CNTN1: variants seen among roughly 807,000 people sequenced by gnomAD.
The protein encoded by CNTN1 is contactin-1.
A neutral mutation model predicts 126.4 loss-of-function variants in CNTN1; 38 were observed. The ratio of observed to expected loss-of-function variants is 0.30; its 90% CI spans 0.23 to 0.39. The LOEUF is 0.39. CNTN1 is among the 10% of genes least tolerant of loss of function. The pLI, the probability that CNTN1 is intolerant of heterozygous loss-of-function variation, is 1.00. For missense variants in CNTN1, 1,009 were observed against 1,248.4 expected (o/e 0.81, Z 2.89); for synonymous variants, 413 against 422.6 (o/e 0.98, Z 0.28).
chr12:40,720,297 T>C (rs572132529), intron 1 of CNTN1, among the ~76,000 whole-genome samples: 1 of 152,280 alleles, frequency 6.6e-6, no homozygotes, highest in Non-Finnish European at 1.5e-5. Context: ...TAATTTGGTC[T>C]CTTCGGTTCT....
intron 14 of CNTN1, among the ~76,000 whole-genome samples, chr12:40,950,125 T>C (rs2136975585): frequency 6.6e-6 from 1 of 151,292 alleles, no homozygotes; most frequent in Non-Finnish European, 1.5e-5. Flanking sequence ...TGTGTGTGTG[T>C]GTGTGTGTGT....
In CNTN1 at chr12:40,900,402, G is replaced by A. The variant is rs1181146387; in HGVS notation, c.-76-7955G>A. Among the ~76,000 whole-genome samples the A allele has an allele frequency of 2.6e-5, 4 of 152,100 alleles. No individual in the cohort carries two copies. The East Asian group carries it at 7.7e-4, about 29-fold the overall frequency. On this transcript the variant is annotated intron_variant, in intron 1 of 23. Coordinates refer to ENST00000551295, the MANE Select transcript of CNTN1 (RefSeq NM_001843.4). ...TCATTTTTAGGTGGTAGCAAAAATA[G>A]GAAGGCCCACATAGATTTTTGTCCT...
intron 1 of CNTN1, among the ~76,000 whole-genome samples, chr12:40,827,629 T>A: frequency 6.6e-6 from 1 of 152,214 alleles, no homozygotes; most frequent in East Asian, 1.9e-4. Context: ...CTGTAGCATT[T>A]CTGCCAAAGA....
At chr12:40,850,897 T>C (rs1386824912) in intron 1 of CNTN1, among the ~76,000 whole-genome samples, 3 of 152,220 alleles carry the variant, frequency 2.0e-5, no homozygotes, top group Non-Finnish European at 4.4e-5. Flanking sequence ...AATACCATTT[T>C]CTTGGCATAA....
intron 23 of CNTN1, among the ~76,000 whole-genome samples, chr12:41,048,021 T>C (rs1949584256): frequency 1.3e-5 from 2 of 152,134 alleles, no homozygotes; most frequent in East Asian, 1.9e-4. Context: ...CCCACAGCCA[T>C]ATAATATAAT....
chr12:40,801,018 T>TG (rs972291489), intron 1 of CNTN1, among the ~76,000 whole-genome samples: 37 of 149,986 alleles, frequency 2.5e-4, no homozygotes, highest in African/African-American at 8.5e-4. Context: ...GAGTTTTGTT[T>TG]TTTTTTTTTT....
At chr12:40,958,342 T>C (rs927423341) in intron 14 of CNTN1, among the ~76,000 whole-genome samples, 2 of 122,334 alleles carry the variant, frequency 1.6e-5, no homozygotes, top group Non-Finnish European at 3.3e-5. Flanking sequence ...TATATGTGTG[T>C]GTGTATATAT....
Position 41,029,232 on chromosome 12 carries a change from T to A in CNTN1, c.2980+13T>A. ...GTCAAAATTTCAGGTAAGTGAGTCA[T>A]TTAAGACACATTTCAACTAAGTACT... On this transcript the variant is annotated intron_variant, in intron 23 of 23. Coordinates refer to ENST00000551295, the MANE Select transcript of CNTN1 (RefSeq NM_001843.4). 6.2e-7 allele frequency: 1 copy of A among 1,613,862 alleles called. No individual in the cohort carries two copies. The highest frequency in any genetic ancestry group is 8.5e-7 in the Non-Finnish European group (1 of 1,179,854).
chr12:40,772,879 C>T (rs1208462649), intron 1 of CNTN1, among the ~76,000 whole-genome samples: 1 of 151,890 alleles, frequency 6.6e-6, no homozygotes, highest in Middle Eastern at 3.2e-3. Context: ...AAAATTGCCA[C>T]TTCACATGCT....
In CNTN1 at chr12:41,009,279, C is replaced by A. The variant is rs75169235; in HGVS notation, c.2114-4949C>A. ...ATAGTAGGGCTTGATATTTAAGGAG[C>A]CTGCTGTCTGTTAACCAAAGGCTTT... On this transcript the variant is annotated intron_variant, in intron 17 of 23. Coordinates refer to ENST00000551295, the MANE Select transcript of CNTN1 (RefSeq NM_001843.4). Among the ~76,000 whole-genome samples the A allele has an allele frequency of 2.2e-3, 332 of 152,260 alleles. 1 individual carries two copies. The highest frequency in any genetic ancestry group is 7.5e-3 in the African/African-American group (313 of 41,558).
rs186225481 is a variant in CNTN1 at position 40,800,044 on chromosome 12, G to C, written c.-77+107452G>C. On this transcript the variant is annotated intron_variant, in intron 1 of 23. Coordinates refer to ENST00000551295, the MANE Select transcript of CNTN1 (RefSeq NM_001843.4). Reference sequence around the variant, plus strand: ...TACAACTAATTGGGAAGGTGATATAGTTTGGTTCTGTGTCCCTACCTAAAT... The same window carrying C: ...TACAACTAATTGGGAAGGTGATATACTTTGGTTCTGTGTCCCTACCTAAAT... Among the ~76,000 whole-genome samples, 303 of 152,106 alleles carry C rather than the reference G, an allele frequency of 2.0e-3. 1 individual carries two copies. Among genetic ancestry groups the C allele is most frequent in the Middle Eastern group, 6.8e-3 (2 of 294 alleles).
intron 1 of CNTN1, among the ~76,000 whole-genome samples, chr12:40,797,351 A>C (rs1242187099): frequency 6.6e-6 from 1 of 152,076 alleles, no homozygotes; most frequent in East Asian, 1.9e-4. Context: ...AGAGGAAGTA[A>C]ATTTTAAATA....
At chr12:40,835,560 G>T (rs1395756228) in intron 1 of CNTN1, among the ~76,000 whole-genome samples, 1 of 151,968 alleles carries the variant, frequency 6.6e-6, no homozygotes, top group African/African-American at 2.4e-5. Context: ...ACTAGCCAAA[G>T]CCCATATGCC....
chr12:40,831,210 T>C (rs956330385), intron 1 of CNTN1, among the ~76,000 whole-genome samples: 4 of 149,136 alleles, frequency 2.7e-5, no homozygotes, highest in Non-Finnish European at 5.9e-5. Context: ...TTTACACATA[T>C]AATTAAATGT....
At chr12:40,993,331 T>C in intron 17 of CNTN1, 62 bp downstream of exon 17, 1 of 1,354,514 alleles carries the variant, frequency 7.4e-7, no homozygotes, top group South Asian at 1.2e-5. Flanking sequence ...CACTTTCATA[T>C]ATGGTTGAAT....
At chr12:40,801,348 A>G (rs1940645775) in intron 1 of CNTN1, among the ~76,000 whole-genome samples, 1 of 152,066 alleles carries the variant, frequency 6.6e-6, no homozygotes, top group Admixed American at 6.6e-5. Context: ...GATAAATGAA[A>G]GTCAAATGAA....
chr12:40,822,790 T>G (rs73116793), intron 1 of CNTN1, among the ~76,000 whole-genome samples: 3,419 of 152,210 alleles, frequency 0.022, 126 homozygotes, highest in African/African-American at 0.078. Context: ...CATGGACAGG[T>G]TTATTACAAA....
intron 1 of CNTN1, among the ~76,000 whole-genome samples, chr12:40,845,325 T>C (rs1942458693): frequency 6.6e-6 from 1 of 152,192 alleles, no homozygotes; most frequent in African/African-American, 2.4e-5. Flanking sequence ...TAATAGATAC[T>C]AAATGTAGAA....
At chr12:40,703,880 G>T (rs1196221810) in intron 1 of CNTN1, among the ~76,000 whole-genome samples, 2 of 152,120 alleles carry the variant, frequency 1.3e-5, no homozygotes, top group African/African-American at 4.8e-5. Context: ...ATGATTAAGT[G>T]AGACTTTCTC....
Sources: gnomAD v4.1 joint callset for allele counts (sites outside exome capture counted in the v4.1 genomes callset) on GRCh38, gnomAD v4.1.1 for gene constraint, MANE v1.5 for transcripts, NCBI Gene and HGNC (gene_info 2026-07-23, HGNC 2026-07-21) for gene names.